The following TMEM131 variants were observed in gnomAD, a reference collection of about 807,000 sequenced individuals.
TMEM131 encodes transmembrane protein 131.
A neutral mutation model predicts 211.6 loss-of-function variants in TMEM131; 66 were observed. The ratio of observed to expected loss-of-function variants is 0.31; its 90% CI spans 0.26 to 0.38. TMEM131 has a LOEUF of 0.38. Among genes scored for constraint, TMEM131 ranks in the 10% least tolerant of loss-of-function variants. The probability of loss-of-function intolerance (pLI) is 1.00; values close to 1 mark genes in which losing one functional copy is unlikely to be tolerated. For synonymous variants in TMEM131, 844 were observed against 841.3 expected (o/e 1.00, Z -0.06); for missense variants, 2,036 against 2,299.3 (o/e 0.89, Z 2.34).
intron 5 of TMEM131, among the ~76,000 whole-genome samples, chr2:97,847,605 G>T (rs1314489431): frequency 6.6e-6 from 1 of 152,126 alleles, no homozygotes; most frequent in Non-Finnish European, 1.5e-5. Flanking sequence ...TCCTGAAATG[G>T]ATTTATATAT....
chr2:97,932,661 A>T (rs1216551829), intron 1 of TMEM131, among the ~76,000 whole-genome samples: 1 of 152,190 alleles, frequency 6.6e-6, no homozygotes, highest in Non-Finnish European at 1.5e-5. Context: ...AAGATCTGTA[A>T]ACTTCAGTTA....
intron 6 of TMEM131, among the ~76,000 whole-genome samples, chr2:97,843,427 T>C (rs1328999963): frequency 6.6e-6 from 1 of 152,172 alleles, no homozygotes; most frequent in Non-Finnish European, 1.5e-5. Context: ...CCTTGAACTC[T>C]TGGGCTCAAG....
chr2:97,827,703 A>T (rs1300666011), intron 11 of TMEM131, among the ~76,000 whole-genome samples: 1 of 151,972 alleles, frequency 6.6e-6, no homozygotes, highest in Non-Finnish European at 1.5e-5. Context: ...CCATTTTTTA[A>T]GTGTAAATGC....
chr2:97,949,899 T>C (rs1210470652), intron 1 of TMEM131, among the ~76,000 whole-genome samples: 1 of 150,472 alleles, frequency 6.6e-6, no homozygotes, highest in African/African-American at 2.4e-5. Flanking sequence ...TTTTATACAA[T>C]AGCTTCTGAA....
intron 2 of TMEM131, among the ~76,000 whole-genome samples, chr2:97,908,931 A>C (rs1336546304): frequency 6.6e-6 from 1 of 152,192 alleles, no homozygotes; most frequent in African/African-American, 2.4e-5. Context: ...AAACCGACAC[A>C]TCCTGAGAAC....
At chr2:97,991,993 A>G (rs921231824) in intron 1 of TMEM131, among the ~76,000 whole-genome samples, 1 of 152,208 alleles carries the variant, frequency 6.6e-6, no homozygotes, top group Non-Finnish European at 1.5e-5. Context: ...TCCAACTACA[A>G]AACTCCAATG....
At chr2:97,815,948 C>G (rs1270914035) in intron 12 of TMEM131, among the ~76,000 whole-genome samples, 1 of 152,112 alleles carries the variant, frequency 6.6e-6, no homozygotes, top group African/African-American at 2.4e-5. Flanking sequence ...CCAGCCAACC[C>G]TAAAACTCAT....
chr2:97,772,877 C>A (rs1679532904), intron 32 of TMEM131, among the ~76,000 whole-genome samples: 1 of 152,210 alleles, frequency 6.6e-6, no homozygotes, highest in African/African-American at 2.4e-5. Flanking sequence ...GCCTGGGCGA[C>A]AGAGCGAGAC....
At chr2:97,847,126 T>C (rs936750490) in intron 5 of TMEM131, among the ~76,000 whole-genome samples, 2 of 129,336 alleles carry the variant, frequency 1.5e-5, no homozygotes, top group Non-Finnish European at 1.6e-5. Flanking sequence ...GAGACAGAGG[T>C]TGCAGTGAGC....
rs769345850 is a variant in TMEM131, at chr2:97,837,097, C to T, written c.784G>A (p.Gly262Arg). Residue 262 changes from glycine to arginine, a missense_variant, in exon 8 of 41, where the codon GGA becomes AGA. By Grantham distance (125) the Gly-to-Arg change is moderately radical. Coordinates refer to ENST00000186436, the MANE Select transcript of TMEM131 (RefSeq NM_015348.2). ...LHLELPTGQQ[G>R]GTRKLWEIPP... ...CTCACCCACAGTTTTCTGGTACCTC[C>T]TTGTTGACCCGTTGGGAGTTCTAGG... is the stretch of plus-strand genomic sequence containing the variant. 1.5e-5 allele frequency: 24 copies of T among 1,612,310 alleles called. No homozygotes were observed. In the Admixed American group the frequency reaches 3.9e-4, roughly 26 times the overall value.
chr2:97,974,728 A>T (rs571700718), intron 1 of TMEM131, among the ~76,000 whole-genome samples: 1 of 151,850 alleles, frequency 6.6e-6, no homozygotes, highest in South Asian at 2.1e-4. Flanking sequence ...AAAAAAAAAC[A>T]TGTCGACCTG....
Position 97,776,038 on chromosome 2 carries a change from T to G in TMEM131, c.4145-20A>C, listed in dbSNP as rs369968327. The G allele has an allele frequency of 3.5e-5, 56 of 1,590,896 alleles. No individual in the cohort carries two copies. Among genetic ancestry groups the G allele is most frequent in the Middle Eastern group, 1.7e-4 (1 of 5,918 alleles). ...CTTTCCCTGAGGATAAAAATTAAAG[T>G]AAAAGAACTCTTGTTTTTGTTTCTT... On this transcript the variant is annotated intron_variant, in intron 31 of 40. Coordinates refer to ENST00000186436, the MANE Select transcript of TMEM131 (RefSeq NM_015348.2).
At chr2:97,946,640 G>T (rs899664012) in intron 1 of TMEM131, among the ~76,000 whole-genome samples, 1 of 151,654 alleles carries the variant, frequency 6.6e-6, no homozygotes, top group Non-Finnish European at 1.5e-5. Context: ...TGTATTTAAC[G>T]ATGAGTTCTC....
At position 97,943,079 on chromosome 2, in the gene TMEM131, AAGAAAG is replaced by A. The variant is rs1559464651; in HGVS notation, c.188-15598_188-15593del. Among the ~76,000 whole-genome samples, 94 of 134,704 alleles carry A rather than the reference AAGAAAG, an allele frequency of 7.0e-4. 1 individual carries two copies. In the East Asian group the frequency reaches 0.012, roughly 17 times the overall value. 88.4% of individuals were successfully genotyped at this position (134,704 alleles called of 152,430 possible). ...AAAGAAAGAAAGAAAGAAAGAAAGA[AAGAAAG>A]AAAGAAAGAAAGAAAGAGCTGGGTG... On this transcript the variant is annotated intron_variant, in intron 1 of 40. Transcript: ENST00000186436.
At chr2:97,772,662 G>A (rs1266719529) in intron 32 of TMEM131, among the ~76,000 whole-genome samples, 5 of 152,202 alleles carry the variant, frequency 3.3e-5, no homozygotes, top group African/African-American at 7.2e-5. Context: ...CTGGGAAGCC[G>A]AGGCAGGTGG....
chr2:97,796,779 G>T, intron 27 of TMEM131, 65 bp downstream of exon 27: 1 of 1,516,434 alleles, frequency 6.6e-7, no homozygotes. Flanking sequence ...TGTTGTTTTT[G>T]AAATTATTTA....
intron 33 of TMEM131, among the ~76,000 whole-genome samples, chr2:97,771,808 T>G (rs1679480926): frequency 6.6e-6 from 1 of 152,214 alleles, no homozygotes; most frequent in South Asian, 2.1e-4. Flanking sequence ...TATTTAATGG[T>G]AGAACCGTCT....
At position 97,847,367 on chromosome 2, in the gene TMEM131, T is replaced by C. The variant is rs530101288; in HGVS notation, c.484-3106A>G. The stretch of plus-strand genomic sequence containing the variant: ...CATGGGAATCAAGGTCAACATATAA[T>C]GATCAATTGTATCTCCATATACTAG... On this transcript the variant is annotated intron_variant, in intron 5 of 40. Transcript: ENST00000186436. Among the ~76,000 whole-genome samples the C allele has an allele frequency of 8.5e-5, 13 of 152,292 alleles. No homozygotes were observed. In the South Asian group the frequency reaches 2.7e-3, roughly 32 times the overall value.
intron 1 of TMEM131, among the ~76,000 whole-genome samples, chr2:97,950,578 T>C (rs1678264812): frequency 6.6e-6 from 1 of 152,166 alleles, no homozygotes; most frequent in Non-Finnish European, 1.5e-5. Context: ...TACCGGATAT[T>C]CCCCTTCAGG....
Sources: allele counts gnomAD v4.1 joint callset (sites outside exome capture counted in the v4.1 genomes callset), GRCh38; gene constraint gnomAD v4.1.1; transcripts MANE v1.5; gene names NCBI Gene and HGNC (gene_info 2026-07-23, HGNC 2026-07-21).